SPTBN4: variants seen among roughly 807,000 people sequenced by gnomAD.
SPTBN4 encodes spectrin beta, non-erythrocytic 4, also known as spectrin beta chain, non-erythrocytic 4.
A neutral mutation model predicts 277.8 loss-of-function variants in SPTBN4; 96 were observed. The observed-to-expected ratio is 0.35, with a 90% CI of 0.29 to 0.41. The LOEUF (loss-of-function observed/expected upper bound fraction) is 0.41. Ranked by LOEUF, SPTBN4 falls within the 10% of genes least tolerant of loss-of-function variation. The pLI, the probability that SPTBN4 is intolerant of heterozygous loss-of-function variation, is 1.00. For synonymous variants in SPTBN4, 1,481 were observed against 1,580.3 expected, an observed-to-expected ratio of 0.94 and a Z score of 1.49; for missense variants, 3,006 against 3,595.7, an observed-to-expected ratio of 0.84 and a Z score of 4.19.
In SPTBN4 at chr19:40,502,183, C is replaced by T. The variant is rs750212447; in HGVS notation, c.953C>T (p.Ala318Val). The change falls in exon 9 of 36, where the codon GCG becomes GTG. Residue 318 changes from alanine (A) to valine (V), a missense_variant. This residue lies in a region of SPTBN4 where 1,759 missense variants were observed against 2,061.5 expected (regional missense o/e 0.85). Transcript: ENST00000598249. This position sits in a 1 kb window ranked among gnomAD's most constrained non-coding sequence, Gnocchi z 4.9. ...GKIIERYEEL[A>V]AELLAWIHRT... ...ATCATAGAACGCTACGAGGAGCTGGCGGCTGAGCTGCTGGCCTGGATCCAC... is the reference window on the plus strand; with the variant it reads ...ATCATAGAACGCTACGAGGAGCTGGTGGCTGAGCTGCTGGCCTGGATCCAC... The T allele has an allele frequency of 5.0e-6, 8 of 1,614,034 alleles. No homozygotes were observed. Among genetic ancestry groups the T allele is most frequent in the East Asian group, 2.2e-5 (1 of 44,886 alleles).
In SPTBN4 at chr19:40,560,284, G is replaced by A. The variant is rs779714319; in HGVS notation, c.5796G>A (p.Glu1932=). The A allele has an allele frequency of 1.2e-6, 2 of 1,614,054 alleles. No individual in the cohort carries two copies. Among genetic ancestry groups the A allele is most frequent in the Non-Finnish European group, 8.5e-7 (1 of 1,180,000 alleles). ...GGAAAGAGCTGCTGTCAGCCTGTGA[G>A]GATGCCCGCCTGCATGTCAGCTCCA... is the stretch of plus-strand genomic sequence containing the variant. ...QGWKELLSAC[E]DARLHVSSTA... The change falls in exon 27 of 36, where the codon GAG becomes GAA. Residue 1932 remains glutamate (E), a synonymous_variant. Transcript: ENST00000598249. This position sits in a 1 kb window ranked among gnomAD's most constrained non-coding sequence, Gnocchi z 5.2.
intron 15 of SPTBN4, among the ~76,000 whole-genome samples, chr19:40,518,572 A>G (rs1353174938): frequency 6.6e-6 from 1 of 151,808 alleles, no homozygotes; most frequent in Non-Finnish European, 1.5e-5. Context: ...AGCTGGGACC[A>G]TAGGTGTGCA....
chr19:40,543,809 C>G (rs2080826217), intron 20 of SPTBN4, among the ~76,000 whole-genome samples: 1 of 152,172 alleles, frequency 6.6e-6, no homozygotes, highest in South Asian at 2.1e-4. Context: ...TGGTGTGCAT[C>G]CATCTAGACC....
chr19:40,561,293 A>G (rs2607353), intron 27 of SPTBN4, among the ~76,000 whole-genome samples: 67,344 of 151,864 alleles, frequency 0.44, 15,747 homozygotes, highest in African/African-American at 0.5. Context: ...GATTACAGGC[A>G]TAAGCCACCG....
chr19:40,525,995 A>C (rs1012833585), intron 17 of SPTBN4, among the ~76,000 whole-genome samples: 1 of 151,886 alleles, frequency 6.6e-6, no homozygotes, highest in Non-Finnish European at 1.5e-5. Context: ...GAGTGGGAGG[A>C]GTTTCCACAT....
chr19:40,523,624 C>T lies in SPTBN4; in HGVS notation c.3842C>T (p.Thr1281Ile). Residue 1281 changes from threonine (T) to isoleucine (I), a missense_variant, in exon 17 of 36, where the codon ACC (threonine) becomes ATC (isoleucine). Coordinates refer to ENST00000598249, the MANE Select transcript of SPTBN4 (RefSeq NM_020971.3). ...IYGEQAQEAV[T>I]RLLEKNQENQ... ...GGGGAGCAGGCTCAGGAGGCTGTGA[C>T]CCGGCTGCTGGAGAAGTAGGTCCCC... 1 of 1,611,680 alleles carries T rather than the reference C, an allele frequency of 6.2e-7. No homozygotes were observed. The highest frequency in any genetic ancestry group is 2.2e-5 in the East Asian group (1 of 44,820).
In SPTBN4 at chr19:40,560,932, G is replaced by A. The variant is rs1213828923; in HGVS notation, c.5915+529G>A. Among the ~76,000 whole-genome samples the A allele has an allele frequency of 6.6e-6, 1 of 152,086 alleles. No individual in the cohort carries two copies. Among genetic ancestry groups the A allele is most frequent in the African/African-American group, 2.4e-5 (1 of 41,410 alleles). ...TGCAGATGGGAAAAGATAGCAGGAG[G>A]ATCACACAGAAGGTTTTAGGGATAA... is the stretch of plus-strand genomic sequence containing the variant. On this transcript the variant is annotated intron_variant, in intron 27 of 35. Transcript: ENST00000598249. This position sits in a 1 kb window ranked among gnomAD's most constrained non-coding sequence, Gnocchi z 5.2.
intron 5 of SPTBN4, 98 bp from the exon 6 acceptor site, chr19:40,494,799 C>A: frequency 9.5e-7 from 1 of 1,056,496 alleles, no homozygotes; most frequent in Non-Finnish European, 1.4e-6. Flanking sequence ...TCTCTCTCAT[C>A]TTCCTTCCCT....
Position 40,519,646 on chromosome 19 carries a change from A to T in SPTBN4, c.3149A>T (p.Glu1050Val). Reference protein sequence around the residue: ...ALLEEAALLAERFPAQAARLH... With the variant: ...ALLEEAALLAVRFPAQAARLH... ...CTGGAGGAGGCAGCCCTGCTGGCTGAGCGCTTCCCGGCGCAGGCGGCGCGG... is the reference window on the plus strand; with the variant it reads ...CTGGAGGAGGCAGCCCTGCTGGCTGTGCGCTTCCCGGCGCAGGCGGCGCGG... The change falls in exon 16 of 36, where the codon GAG becomes GTG. Residue 1050 changes from glutamate to valine, a missense_variant. Physicochemically the swap from Glu to Val is moderately radical, Grantham distance 121. Transcript: ENST00000598249. The surrounding 1 kb of genome is among the most constrained non-coding windows in gnomAD (Gnocchi z 5.7). The T allele has an allele frequency of 1.4e-6, 2 of 1,405,464 alleles. No homozygotes were observed. Among genetic ancestry groups the T allele is most frequent in the Non-Finnish European group, 9.2e-7 (1 of 1,091,730 alleles). 87.1% of individuals were successfully genotyped at this position (1,405,464 alleles called of 1,614,324 possible). A position where few individuals can be genotyped will look rare whatever the true frequency, so the allele number is the denominator to read the frequency against.
chr19:40,519,585 G>C lies in SPTBN4; in HGVS notation c.3088G>C (p.Ala1030Pro). The change falls in exon 16 of 36, where the codon GCT (alanine) becomes CCT (proline). Residue 1030 changes from alanine to proline, a missense_variant. Ala to Pro is a conservative substitution (Grantham distance 27). Around this residue, in one of 5 missense-constraint regions of SPTBN4, gnomAD observed 1,759 missense variants for 2,061.5 expected, o/e 0.85. Coordinates refer to ENST00000598249, the MANE Select transcript of SPTBN4 (RefSeq NM_020971.3). The surrounding 1 kb of genome is among the most constrained non-coding windows in gnomAD (Gnocchi z 5.7). ...LQWRLSGLEA[A>P]LQALEPRQAA... ...GTGGCGTCTTAGCGGCCTAGAGGCCGCTCTGCAGGCGCTGGAGCCGCGCCA... is the reference window on the plus strand; with the variant it reads ...GTGGCGTCTTAGCGGCCTAGAGGCCCCTCTGCAGGCGCTGGAGCCGCGCCA... The C allele has an allele frequency of 2.0e-6, 3 of 1,488,134 alleles. No homozygotes were observed. Among genetic ancestry groups the C allele is most frequent in the Non-Finnish European group, 2.7e-6 (3 of 1,128,684 alleles). 92.2% of individuals were successfully genotyped at this position (1,488,134 alleles called of 1,614,324 possible).
chr19:40,471,785 C>T (rs894056217), intron 1 of SPTBN4, among the ~76,000 whole-genome samples: 12 of 152,032 alleles, frequency 7.9e-5, no homozygotes, highest in African/African-American at 2.9e-4. Context: ...GCTGCCCAGG[C>T]TGGAGTGCAG....
chr19:40,556,270 G>C lies in SPTBN4; in HGVS notation c.5271G>C (p.Gln1757His), dbSNP rs2080977972. 6.2e-7 allele frequency: 1 copy of C among 1,613,108 alleles called. No homozygotes were observed. The change falls in exon 25 of 36, where the codon CAG becomes CAC. Residue 1757 changes from glutamine (Q) to histidine (H), a missense_variant. By Grantham distance (24) the Gln-to-His change is conservative. Transcript: ENST00000598249. The part of the protein sequence containing the change: ...EVVAGSPELG[Q>H]DFEHVSVLQE... ...TGGCTGGCTCACCCGAGCTCGGCCAGGACTTTGAGCATGTCTCGGTGAGCA... is the reference window on the plus strand; with the variant it reads ...TGGCTGGCTCACCCGAGCTCGGCCACGACTTTGAGCATGTCTCGGTGAGCA...
In SPTBN4 at chr19:40,501,955, C is replaced by G. The variant is rs1440778362; in HGVS notation, c.819C>G (p.Ile273Met). The change falls in exon 8 of 36, where the codon ATC becomes ATG. Residue 273 changes from isoleucine (I) to methionine (M), a missense_variant. Transcript: ENST00000598249. ...VNMEAPDEKS[I>M]ITYVVSFYHY... is the part of the protein sequence containing the mutation. ...TGGAGGCTCCAGATGAGAAGTCCAT[C>G]ATCACCTACGTGGTCTCTTTCTACC... is the stretch of plus-strand genomic sequence containing the variant. The G allele has an allele frequency of 2.5e-6, 4 of 1,614,200 alleles. No homozygotes were observed. In the East Asian group the frequency reaches 6.7e-5, roughly 27 times the overall value.
At chr19:40,497,236 T>C (rs1331245969) in intron 6 of SPTBN4, among the ~76,000 whole-genome samples, 3 of 152,110 alleles carry the variant, frequency 2.0e-5, no homozygotes, top group Non-Finnish European at 4.4e-5. Flanking sequence ...CCCATTCGTC[T>C]GTGTGCACAG....
chr19:40,472,795 C>A lies in SPTBN4; in HGVS notation c.169+5C>A. The A allele has an allele frequency of 7.4e-7, 1 of 1,347,996 alleles. No individual in the cohort carries two copies. Among genetic ancestry groups the A allele is most frequent in the South Asian group, 1.2e-5 (1 of 81,918 alleles). 83.5% of individuals were successfully genotyped at this position (1,347,996 alleles called of 1,614,324 possible). ...CCCGGATCAAGGCCTTGGCAGGTACCTGGAGGAGGGCTGGGGTGGGATGAG... is the reference window on the plus strand; with the variant it reads ...CCCGGATCAAGGCCTTGGCAGGTACATGGAGGAGGGCTGGGGTGGGATGAG... On this transcript the variant is annotated splice_donor_5th_base_variant and intron_variant, in intron 2 of 35. Transcript: ENST00000598249.
At chr19:40,480,191 C>T (rs1280528995) in intron 2 of SPTBN4, among the ~76,000 whole-genome samples, 2 of 142,540 alleles carry the variant, frequency 1.4e-5, no homozygotes, top group Non-Finnish European at 3.0e-5. Flanking sequence ...GCGGAGCTTG[C>T]AATGAGCGGA....
chr19:40,487,346 CTCTT>C (rs766596811), intron 2 of SPTBN4, among the ~76,000 whole-genome samples: 4 of 147,138 alleles, frequency 2.7e-5, no homozygotes, highest in Admixed American at 6.8e-5. Context: ...AGCCGACTCA[CTCTT>C]TTTTTTTTTT....
At chr19:40,507,779 G>A (rs2080346806) in intron 13 of SPTBN4, among the ~76,000 whole-genome samples, 1 of 152,194 alleles carries the variant, frequency 6.6e-6, no homozygotes, top group South Asian at 2.1e-4. Flanking sequence ...AGGTTGCCAT[G>A]AGCCGAGATC....
chr19:40,474,577 G>A (rs551482987), intron 2 of SPTBN4, among the ~76,000 whole-genome samples: 57 of 151,826 alleles, frequency 3.8e-4, no homozygotes, highest in African/African-American at 1.4e-3. Flanking sequence ...CTACAGGCAT[G>A]CGCCACCATG....
Sources: gnomAD v4.1 joint callset for allele counts (sites outside exome capture counted in the v4.1 genomes callset) on GRCh38, gnomAD v4.1.1 for gene constraint, gnomAD v4.1.1 regional missense constraint, Gnocchi (gnomAD v3.1) non-coding constraint, MANE v1.5 for transcripts, NCBI Gene and HGNC (gene_info 2026-07-23, HGNC 2026-07-21) for gene names.